XKR6: variants seen among roughly 807,000 people sequenced by gnomAD.
XKR6 encodes XK related 6.
A neutral mutation model predicts 56.7 loss-of-function variants in XKR6; 22 were observed. That is an observed-to-expected ratio of 0.39 (90% CI 0.28 to 0.55). XKR6 has a LOEUF of 0.55. XKR6 is among the 20% of genes least tolerant of loss of function. XKR6 has a pLI of 0.66. For missense variants in XKR6, 852 were observed against 889.0 expected (o/e 0.96, Z 0.53); for synonymous variants, 524 against 387.8 (o/e 1.35, Z -4.13).
intron 1 of XKR6, among the ~76,000 whole-genome samples, chr8:10,952,258 G>A (rs1470389766): frequency 6.6e-6 from 1 of 152,110 alleles, no homozygotes; most frequent in Non-Finnish European, 1.5e-5. Context: ...GGGTAATGGG[G>A]TAGTGACCTG....
At chr8:11,163,482 T>A (rs893395700) in intron 1 of XKR6, among the ~76,000 whole-genome samples, 1 of 152,236 alleles carries the variant, frequency 6.6e-6, no homozygotes, top group South Asian at 2.1e-4. Flanking sequence ...CACCATGTCT[T>A]TCTTTCGTCA....
chr8:11,097,711 G>A (rs1186068884), intron 1 of XKR6, among the ~76,000 whole-genome samples: 1 of 149,844 alleles, frequency 6.7e-6, no homozygotes, highest in African/African-American at 2.5e-5. Flanking sequence ...GGAGGCTGAG[G>A]CAGCAGAATC....
chr8:11,000,747 G>T (rs7825690), intron 1 of XKR6, among the ~76,000 whole-genome samples: 77,424 of 152,080 alleles, frequency 0.51, 23,904 homozygotes, highest in African/African-American at 0.86. Context: ...GATTCTACAC[G>T]AGAGCTCTCT....
intron 1 of XKR6, among the ~76,000 whole-genome samples, chr8:10,981,837 G>C (rs1424637648): frequency 6.6e-6 from 1 of 152,190 alleles, no homozygotes; most frequent in Non-Finnish European, 1.5e-5. Flanking sequence ...TGGTTAAGTA[G>C]AGATGTCAAA....
chr8:11,045,647 G>A (rs753999029), intron 1 of XKR6, among the ~76,000 whole-genome samples: 4 of 152,170 alleles, frequency 2.6e-5, no homozygotes, highest in Middle Eastern at 3.2e-3. Context: ...CGGACAGCTC[G>A]GAGAAGATGC....
chr8:11,098,380 C>G (rs1486880666), intron 1 of XKR6, among the ~76,000 whole-genome samples: 3 of 152,072 alleles, frequency 2.0e-5, no homozygotes, highest in African/African-American at 7.3e-5. Context: ...GCAAGAGGAC[C>G]CAGTGGACTC....
chr8:11,190,001 A>G (rs914258482), intron 1 of XKR6, among the ~76,000 whole-genome samples: 2 of 152,160 alleles, frequency 1.3e-5, no homozygotes, highest in African/African-American at 4.8e-5. Context: ...TACTAAAAGT[A>G]CAAAAATTAG....
intron 1 of XKR6, among the ~76,000 whole-genome samples, chr8:10,933,749 T>A (rs1317845056): frequency 6.7e-6 from 1 of 150,290 alleles, no homozygotes; most frequent in African/African-American, 2.5e-5. Context: ...TCTGTTCCAT[T>A]GATCTATATC....
At chr8:11,082,948 C>A (rs750560576) in intron 1 of XKR6, among the ~76,000 whole-genome samples, 1 of 152,214 alleles carries the variant, frequency 6.6e-6, no homozygotes, top group Admixed American at 6.5e-5. Flanking sequence ...ATAGCTGCTG[C>A]GGCCAGGTAG....
chr8:11,072,911 G>T (rs184652665), intron 1 of XKR6, among the ~76,000 whole-genome samples: 1 of 152,176 alleles, frequency 6.6e-6, no homozygotes, highest in Non-Finnish European at 1.5e-5. Context: ...TTAGCCGGGC[G>T]TGGTGGCGGG....
intron 1 of XKR6, among the ~76,000 whole-genome samples, chr8:10,958,984 G>C (rs991681315): frequency 6.6e-6 from 1 of 152,200 alleles, no homozygotes; most frequent in Non-Finnish European, 1.5e-5. Flanking sequence ...TCAAGCCTGA[G>C]AACATGGCTT....
intron 1 of XKR6, among the ~76,000 whole-genome samples, chr8:11,058,261 T>C (rs1041924561): frequency 6.6e-6 from 1 of 152,170 alleles, no homozygotes; most frequent in African/African-American, 2.4e-5. Flanking sequence ...TGGAAGACAG[T>C]GTGGCGATTC....
chr8:11,120,371 A>T (rs549821320), intron 1 of XKR6, among the ~76,000 whole-genome samples: 1 of 152,220 alleles, frequency 6.6e-6, no homozygotes, highest in Admixed American at 6.5e-5. Flanking sequence ...CAAAAATCAC[A>T]AGCATTCTTA....
At chr8:11,152,521 A>G (rs1235487791) in intron 1 of XKR6, among the ~76,000 whole-genome samples, 1 of 152,234 alleles carries the variant, frequency 6.6e-6, no homozygotes, top group Non-Finnish European at 1.5e-5. Flanking sequence ...TCACCACATA[A>G]GCATAATCTG....
At chr8:11,113,682 C>G (rs1799016023) in intron 1 of XKR6, among the ~76,000 whole-genome samples, 1 of 152,132 alleles carries the variant, frequency 6.6e-6, no homozygotes, top group African/African-American at 2.4e-5. Context: ...ATTTCAATCT[C>G]CAACTCCTAA....
chr8:11,200,651 G>T lies in XKR6; in HGVS notation c.689C>A (p.Ala230Glu). The T allele has an allele frequency of 6.5e-7, 1 of 1,549,738 alleles. No homozygotes were observed. The change falls in exon 1 of 3, where the codon GCG becomes GAG. Residue 230 changes from alanine to glutamate, a missense_variant. Ala to Glu is a moderately radical substitution (Grantham distance 107). Transcript: ENST00000416569. This position sits in a 1 kb window ranked among gnomAD's most constrained non-coding sequence, Gnocchi z 6.4. Reference sequence around the variant, plus strand: ...CACGGAGAGGCGACACAGGCGCTGCGCCCCCGGCGTGGGGGAGACCCTCAC... The same window carrying T: ...CACGGAGAGGCGACACAGGCGCTGCTCCCCCGGCGTGGGGGAGACCCTCAC... ...PGVRVSPTPG[A>E]QRLCRLSVWI...
At chr8:10,943,011 G>A (rs960423448) in intron 1 of XKR6, among the ~76,000 whole-genome samples, 12 of 152,220 alleles carry the variant, frequency 7.9e-5, no homozygotes, top group African/African-American at 2.7e-4. Flanking sequence ...GCTCAAAGGA[G>A]GGGCCAGGAA....
intron 1 of XKR6, among the ~76,000 whole-genome samples, chr8:10,995,596 G>C (rs960790236): frequency 6.6e-6 from 1 of 150,614 alleles, no homozygotes; most frequent in African/African-American, 2.4e-5. Context: ...GCTGAGGTAG[G>C]AGAATCACTT....
At chr8:11,178,929 G>C (rs1409906291) in intron 1 of XKR6, among the ~76,000 whole-genome samples, 2 of 151,278 alleles carry the variant, frequency 1.3e-5, no homozygotes, top group Non-Finnish European at 1.5e-5. Flanking sequence ...TGCAGCCTCG[G>C]TCTCCCAAGC....
Sources: allele counts gnomAD v4.1 joint callset (sites outside exome capture counted in the v4.1 genomes callset), GRCh38; gene constraint gnomAD v4.1.1; non-coding constraint Gnocchi (gnomAD v3.1); transcripts MANE v1.5; gene names NCBI Gene and HGNC (gene_info 2026-07-23, HGNC 2026-07-21).